The following ARHGAP18 variants were observed in gnomAD, a reference collection of about 807,000 sequenced individuals.
ARHGAP18 encodes the protein Rho GTPase activating protein 18, also known as rho GTPase-activating protein 18.
In ARHGAP18, 67 loss-of-function variants were observed where a neutral mutation model predicts 86.2. The ratio of observed to expected loss-of-function variants is 0.78; its 90% CI spans 0.64 to 0.95. ARHGAP18 has a LOEUF of 0.95. Among genes scored for constraint, ARHGAP18 ranks in the 40% least tolerant of loss-of-function variants. ARHGAP18 has a pLI of 0.00. For synonymous variants in ARHGAP18, 283 were observed against 280.4 expected, an observed-to-expected ratio of 1.01 and a Z score of -0.09; for missense variants, 691 against 780.4, an observed-to-expected ratio of 0.89 and a Z score of 1.37.
chr6:129,587,029 C>T (rs1332666002), intron 12 of ARHGAP18, among the ~76,000 whole-genome samples: 2 of 152,160 alleles, frequency 1.3e-5, no homozygotes, highest in East Asian at 1.9e-4. Context: ...TGCCACATAT[C>T]TGACTCATAT....
rs1293669890 is a variant in ARHGAP18 at position 129,599,276 on chromosome 6, C to G, written c.1653G>C (p.Leu551Phe). 1 of 1,596,588 alleles carries G rather than the reference C, an allele frequency of 6.3e-7. No individual in the cohort carries two copies. The highest frequency in any genetic ancestry group is 1.4e-5 in the African/African-American group (1 of 73,668). Residue 551 changes from leucine (L) to phenylalanine (F), a missense_variant, in exon 12 of 15, where the codon TTG becomes TTC. Transcript: ENST00000368149. ...HKKDKRAMKK[L>F]LKKMAYDREK... Reference sequence around the variant, plus strand: ...CTCGGTCATAAGCCATTTTCTTCAGCAATTTCTTCATGGCTCTTTTATCCT... The same window carrying G: ...CTCGGTCATAAGCCATTTTCTTCAGGAATTTCTTCATGGCTCTTTTATCCT...
intron 5 of ARHGAP18, among the ~76,000 whole-genome samples, chr6:129,625,879 TTTATATATTATATATTATATATTTATATA>T (rs1562698521): frequency 9.9e-5 from 7 of 70,362 alleles, no homozygotes; most frequent in Admixed American, 2.4e-4. Context: ...ATATTATATA[TTTATATATTATATATTATATATTTATATA>T]TTATATATTA....
intron 6 of ARHGAP18, among the ~76,000 whole-genome samples, chr6:129,616,529 T>G (rs1167045509): frequency 6.6e-6 from 1 of 152,136 alleles, no homozygotes; most frequent in East Asian, 1.9e-4. Flanking sequence ...AACAAATGAT[T>G]GCAAATAATT....
chr6:129,618,611 A>G, intron 6 of ARHGAP18, 76 bp downstream of exon 6: 1 of 1,399,600 alleles, frequency 7.1e-7, no homozygotes, highest in Admixed American at 2.5e-5. Flanking sequence ...CCTGTCTCCC[A>G]GAAATACTGC....
At chr6:129,672,393 C>T (rs1007403174) in intron 1 of ARHGAP18, among the ~76,000 whole-genome samples, 6 of 152,210 alleles carry the variant, frequency 3.9e-5, no homozygotes, top group Non-Finnish European at 7.3e-5. Context: ...TTCCTTCCCA[C>T]TCCCAACTCA....
At position 129,627,236 on chromosome 6, in the gene ARHGAP18, TAG is replaced by T. The variant is rs1789498487; in HGVS notation, c.786+2115_786+2116del. Reference sequence around the variant, plus strand: ...TAAGTCAACAATTTCTGAAAACAAATAGAAAGTAAAAATGACCACTTTCAGAA... The same window carrying T: ...TAAGTCAACAATTTCTGAAAACAAATAAAGTAAAAATGACCACTTTCAGAA... On this transcript the variant is annotated intron_variant, in intron 5 of 14. Coordinates refer to ENST00000368149, the MANE Select transcript of ARHGAP18 (RefSeq NM_033515.3). Among the ~76,000 whole-genome samples the T allele has an allele frequency of 2.6e-5, 4 of 152,160 alleles. 1 individual carries two copies. Among genetic ancestry groups the T allele is most frequent in the African/African-American group, 9.6e-5 (4 of 41,550 alleles).
intron 5 of ARHGAP18, among the ~76,000 whole-genome samples, chr6:129,628,474 A>G (rs1007482352): frequency 1.3e-5 from 2 of 152,236 alleles, no homozygotes; most frequent in African/African-American, 4.8e-5. Context: ...CTCAAGGATG[A>G]CAAATTATTA....
intron 12 of ARHGAP18, among the ~76,000 whole-genome samples, chr6:129,591,862 G>A (rs982302571): frequency 2.1e-4 from 32 of 152,214 alleles, no homozygotes; most frequent in Non-Finnish European, 2.5e-4. Flanking sequence ...ATTTTAGCAA[G>A]GTATCTTAAA....
chr6:129,639,778 C>T (rs1459767518), intron 2 of ARHGAP18, among the ~76,000 whole-genome samples: 1 of 152,140 alleles, frequency 6.6e-6, no homozygotes, highest in Non-Finnish European at 1.5e-5. Context: ...GGCATGGTGG[C>T]TCAGGCTTGT....
chr6:129,593,412 G>A (rs1788556788), intron 12 of ARHGAP18, among the ~76,000 whole-genome samples: 1 of 152,184 alleles, frequency 6.6e-6, no homozygotes, highest in Non-Finnish European at 1.5e-5. Flanking sequence ...AATGAGCCAT[G>A]ATTGCACCAT....
chr6:129,705,163 C>T (rs1774783107), intron 1 of ARHGAP18, among the ~76,000 whole-genome samples: 4 of 152,176 alleles, frequency 2.6e-5, no homozygotes, highest in Admixed American at 2.6e-4. Flanking sequence ...AGTATTTAAA[C>T]AATTGCCTGA....
rs960474971 is a variant in ARHGAP18 at position 129,673,291 on chromosome 6, AT to A, written c.114-31274del. Among the ~76,000 whole-genome samples the A allele has an allele frequency of 2.2e-4, 31 of 143,144 alleles. 1 individual carries two copies. Among genetic ancestry groups the A allele is most frequent in the African/African-American group, 2.8e-4 (11 of 38,908 alleles). 93.9% of individuals were successfully genotyped at this position (143,144 alleles called of 152,430 possible). A position where few individuals can be genotyped will look rare whatever the true frequency, so the allele number is the denominator to read the frequency against. Reference sequence around the variant, plus strand: ...TATTTCCCTTGTTAATTTCTTTCTCATTTTTTTTTCCCCAAGTCAAAAGCCA... The same window carrying A: ...TATTTCCCTTGTTAATTTCTTTCTCATTTTTTTTCCCCAAGTCAAAAGCCA... On this transcript the variant is annotated intron_variant, in intron 1 of 14. Transcript: ENST00000368149.
chr6:129,683,736 A>G (rs879622854), intron 1 of ARHGAP18, among the ~76,000 whole-genome samples: 36 of 152,180 alleles, frequency 2.4e-4, no homozygotes, highest in Admixed American at 1.6e-3. Flanking sequence ...ACCTTTCACA[A>G]CAATGCAATA....
chr6:129,673,928 T>G (rs923850368), intron 1 of ARHGAP18, among the ~76,000 whole-genome samples: 4 of 152,202 alleles, frequency 2.6e-5, no homozygotes, highest in Admixed American at 2.6e-4. Context: ...CAAATTTCAC[T>G]GCCTTAATCT....
intron 1 of ARHGAP18, among the ~76,000 whole-genome samples, chr6:129,681,519 A>C (rs1373013849): frequency 6.6e-6 from 1 of 152,214 alleles, no homozygotes; most frequent in African/African-American, 2.4e-5. Context: ...TCCAGATCTG[A>C]ATTAGTATAC....
chr6:129,660,096 G>A (rs140105895), intron 1 of ARHGAP18, among the ~76,000 whole-genome samples: 249 of 152,274 alleles, frequency 1.6e-3, no homozygotes, highest in Non-Finnish European at 2.4e-3. Flanking sequence ...TGGGGTTGGA[G>A]GGAATAAGGC....
Position 129,710,152 on chromosome 6 carries a change from A to G in ARHGAP18, c.-16T>C, listed in dbSNP as rs774621306. The G allele has an allele frequency of 1.9e-6, 3 of 1,589,840 alleles. No individual in the cohort carries two copies. The highest frequency in any genetic ancestry group is 3.3e-5 in the Admixed American group (2 of 59,740). ...GCCAGCTCATGGTGAGAGAAGGGAC[A>G]TACTTTCTGCGATCCTGACACAGAG... On this transcript the variant is annotated 5_prime_UTR_variant, in exon 1 of 15. The change abolishes an upstream ATG in the 5' untranslated region. Coordinates refer to ENST00000368149, the MANE Select transcript of ARHGAP18 (RefSeq NM_033515.3).
intron 5 of ARHGAP18, among the ~76,000 whole-genome samples, chr6:129,625,971 T>C (rs1177474154): frequency 1.0e-4 from 11 of 109,306 alleles, no homozygotes; most frequent in African/African-American, 4.2e-4. Context: ...ATTTATATAT[T>C]ATATATATTT....
chr6:129,646,602 A>T (rs1380895061), intron 1 of ARHGAP18, among the ~76,000 whole-genome samples: 1 of 152,252 alleles, frequency 6.6e-6, no homozygotes, highest in East Asian at 1.9e-4. Context: ...TCACATAGAT[A>T]ACATTAAAAA....
Sources: gnomAD v4.1 joint callset for allele counts (sites outside exome capture counted in the v4.1 genomes callset) on GRCh38, gnomAD v4.1.1 for gene constraint, MANE v1.5 for transcripts, NCBI Gene and HGNC (gene_info 2026-07-23, HGNC 2026-07-21) for gene names.